ZDHHC17: variants seen among roughly 807,000 people sequenced by gnomAD.
ZDHHC17 encodes the protein palmitoyltransferase ZDHHC17.
A neutral mutation model predicts 90.3 loss-of-function variants in ZDHHC17; 40 were observed. The observed-to-expected ratio is 0.44, with a 90% confidence interval of 0.34 to 0.58. The LOEUF (loss-of-function observed/expected upper bound fraction) is 0.58. ZDHHC17 is among the 20% of genes least tolerant of loss of function. The pLI is 0.01. For synonymous variants in ZDHHC17, 235 were observed against 252.4 expected, an observed-to-expected ratio of 0.93 and a Z score of 0.65; for missense variants, 614 against 780.8, an observed-to-expected ratio of 0.79 and a Z score of 2.55.
chr12:76,825,137 T>C (rs1953215083), intron 8 of ZDHHC17, among the ~76,000 whole-genome samples: 1 of 152,166 alleles, frequency 6.6e-6, no homozygotes, highest in Non-Finnish European at 1.5e-5. Flanking sequence ...AGCTGGACTA[T>C]ATCAAGGTTA....
At chr12:76,812,601 C>T (rs956585097) in intron 5 of ZDHHC17, among the ~76,000 whole-genome samples, 2 of 151,654 alleles carry the variant, frequency 1.3e-5, no homozygotes, top group African/African-American at 4.8e-5. Context: ...TAAATTTTTA[C>T]TACATTTTTA....
At chr12:76,839,956 G>A (rs1953412476) in intron 10 of ZDHHC17, 1 of 152,162 alleles carries the variant, frequency 6.6e-6, no homozygotes, top group East Asian at 1.9e-4. Context: ...ACTTTGGCGA[G>A]GCCGAATAGC....
intron 5 of ZDHHC17, chr12:76,813,450 G>A: frequency 2.7e-6 from 1 of 372,702 alleles, no homozygotes; most frequent in Non-Finnish European, 5.3e-6. Flanking sequence ...AGTATGCATG[G>A]TGAGTGACTA....
chr12:76,796,352 G>A (rs1265088496), intron 1 of ZDHHC17, among the ~76,000 whole-genome samples: 2 of 151,996 alleles, frequency 1.3e-5, no homozygotes, highest in Non-Finnish European at 2.9e-5. Context: ...CAGTTTTTCA[G>A]TTTTTATATA....
At chr12:76,790,053 A>G (rs988917795) in intron 1 of ZDHHC17, among the ~76,000 whole-genome samples, 3 of 152,216 alleles carry the variant, frequency 2.0e-5, no homozygotes, top group African/African-American at 7.2e-5. Flanking sequence ...AATGTATCAT[A>G]CTGTTAGCTG....
chr12:76,776,884 G>A (rs1379081534), intron 1 of ZDHHC17, among the ~76,000 whole-genome samples: 1 of 152,036 alleles, frequency 6.6e-6, no homozygotes, highest in African/African-American at 2.4e-5. Context: ...TTTTATTGAG[G>A]CATATTTTAT....
intron 1 of ZDHHC17, among the ~76,000 whole-genome samples, chr12:76,795,440 A>G (rs1241634806): frequency 6.6e-6 from 1 of 152,106 alleles, no homozygotes; most frequent in Non-Finnish European, 1.5e-5. Flanking sequence ...TGGGTATATT[A>G]TTCTGTTCTC....
intron 5 of ZDHHC17, among the ~76,000 whole-genome samples, chr12:76,810,769 A>G (rs961120473): frequency 1.3e-5 from 2 of 152,224 alleles, no homozygotes; most frequent in Non-Finnish European, 2.9e-5. Flanking sequence ...TGGCTTAAGA[A>G]CAATACCAAC....
At chr12:76,783,386 A>C (rs184341021) in intron 1 of ZDHHC17, among the ~76,000 whole-genome samples, 148 of 152,342 alleles carry the variant, frequency 9.7e-4, no homozygotes, top group African/African-American at 3.4e-3. Flanking sequence ...ACATGGTGGC[A>C]GGAAAGAGGA....
At chr12:76,781,596 C>A (rs1312879340) in intron 1 of ZDHHC17, 1 of 455,972 alleles carries the variant, frequency 2.2e-6, no homozygotes, top group Non-Finnish European at 4.4e-6. Flanking sequence ...CTGTCTTGCC[C>A]TTGCACCTTC....
chr12:76,780,625 TG>T (rs1952611620), intron 1 of ZDHHC17, among the ~76,000 whole-genome samples: 1 of 152,248 alleles, frequency 6.6e-6, no homozygotes, highest in Admixed American at 6.5e-5. Context: ...TTAAGTCAAC[TG>T]CAGCCTAACA....
chr12:76,795,465 T>A (rs1317995922), intron 1 of ZDHHC17, among the ~76,000 whole-genome samples: 1 of 152,156 alleles, frequency 6.6e-6, no homozygotes, highest in African/African-American at 2.4e-5. Flanking sequence ...AAAGATGTGA[T>A]CAAGTTTTTA....
Position 76,848,484 on chromosome 12 carries a change from G to C in ZDHHC17, c.1665+94G>C, listed in dbSNP as rs1219530823. The C allele has an allele frequency of 2.4e-6, 3 of 1,254,718 alleles. No homozygotes were observed. The East Asian group carries it at 7.9e-5, about 33-fold the overall frequency. 77.7% of individuals were successfully genotyped at this position (1,254,718 alleles called of 1,614,324 possible). A position where few individuals can be genotyped will look rare whatever the true frequency, so the allele number is the denominator to read the frequency against. On this transcript the variant is annotated intron_variant, in intron 15 of 16. Transcript: ENST00000426126. ...ATATATTCTCTTCCTAACCACTCCT[G>C]CTCTTCAAATATTCATTTTATTTTT... is the stretch of plus-strand genomic sequence containing the variant.
chr12:76,807,224 C>T (rs1432065663), intron 3 of ZDHHC17, among the ~76,000 whole-genome samples: 2 of 152,184 alleles, frequency 1.3e-5, no homozygotes, highest in Admixed American at 6.5e-5. Flanking sequence ...CTGTCAGCTG[C>T]GTGATTGCTT....
intron 14 of ZDHHC17, among the ~76,000 whole-genome samples, chr12:76,847,985 CAAATA>C (rs1398560870): frequency 6.6e-6 from 1 of 152,128 alleles, no homozygotes; most frequent in African/African-American, 2.4e-5. Context: ...CAATACCAAT[CAAATA>C]AAATTGTTAA....
At chr12:76,784,378 G>A (rs913190487) in intron 1 of ZDHHC17, among the ~76,000 whole-genome samples, 8 of 152,302 alleles carry the variant, frequency 5.3e-5, no homozygotes. Context: ...TGAAGCTCGG[G>A]TAGAAGATGG....
intron 12 of ZDHHC17, chr12:76,844,116 A>G (rs1446068376): frequency 6.6e-6 from 1 of 152,204 alleles, no homozygotes; most frequent in Non-Finnish European, 1.5e-5. Flanking sequence ...CTGTTCCACA[A>G]AGTATGCAGT....
At chr12:76,782,627 A>G (rs1952640109) in intron 1 of ZDHHC17, among the ~76,000 whole-genome samples, 1 of 152,138 alleles carries the variant, frequency 6.6e-6, no homozygotes, top group Non-Finnish European at 1.5e-5. Flanking sequence ...GGAGCTGAGC[A>G]AGAGTTTTAA....
chr12:76,850,653 A>C (rs1479525088), intron 16 of ZDHHC17, among the ~76,000 whole-genome samples, 194 bp from the exon 17 acceptor site: 2 of 152,230 alleles, frequency 1.3e-5, no homozygotes, highest in Non-Finnish European at 1.5e-5. Context: ...AAAAGAAAAA[A>C]TCATTGTTGG....
Sources: allele counts gnomAD v4.1 joint callset (sites outside exome capture counted in the v4.1 genomes callset), GRCh38; gene constraint gnomAD v4.1.1; transcripts MANE v1.5; gene names NCBI Gene and HGNC (gene_info 2026-07-23, HGNC 2026-07-21).